The following OSBPL10 variants were observed in gnomAD, a reference collection of about 807,000 sequenced individuals.
The protein encoded by OSBPL10 is oxysterol binding protein like 10, also known as oxysterol-binding protein-related protein 10.
Under a neutral mutation model 81.7 loss-of-function variants are expected in OSBPL10, and 49 were observed. The ratio of observed to expected loss-of-function variants is 0.60; its 90% confidence interval spans 0.48 to 0.76. The LOEUF (loss-of-function observed/expected upper bound fraction) is 0.76. Ranked by LOEUF, OSBPL10 falls within the 30% of genes least tolerant of loss-of-function variation. The pLI is 0.00. For missense variants in OSBPL10, 923 were observed against 987.8 expected (o/e 0.93, Z 0.88); for synonymous variants, 419 against 383.6 (o/e 1.09, Z -1.08).
At chr3:31,974,441 T>C (rs1698641563) in intron 1 of OSBPL10, among the ~76,000 whole-genome samples, 1 of 152,190 alleles carries the variant, frequency 6.6e-6, no homozygotes, top group Non-Finnish European at 1.5e-5. Context: ...GGTACTAGAA[T>C]GTTCACAGCA....
intron 1 of OSBPL10, among the ~76,000 whole-genome samples, chr3:31,880,168 G>C (rs1180411930): frequency 6.6e-6 from 1 of 152,216 alleles, no homozygotes; most frequent in Non-Finnish European, 1.5e-5. Context: ...ACAGCCTCTT[G>C]CAACATGCTC....
At chr3:31,775,725 A>T (rs1698530996) in intron 4 of OSBPL10, among the ~76,000 whole-genome samples, 1 of 152,150 alleles carries the variant, frequency 6.6e-6, no homozygotes, top group African/African-American at 2.4e-5. Flanking sequence ...TCAAAGGTAG[A>T]TGCCTGTAGG....
intron 1 of OSBPL10, among the ~76,000 whole-genome samples, chr3:31,884,093 G>C (rs1385394023): frequency 6.6e-6 from 1 of 152,198 alleles, no homozygotes; most frequent in African/African-American, 2.4e-5. Flanking sequence ...TTATTTAGGA[G>C]CTGGTATAAA....
chr3:31,718,376 C>T (rs546615746), intron 6 of OSBPL10: 1 of 152,326 alleles, frequency 6.6e-6, no homozygotes, highest in Admixed American at 6.5e-5. Context: ...ATCTGTCTTC[C>T]TCAGCCTCCC....
intron 3 of OSBPL10, among the ~76,000 whole-genome samples, chr3:31,874,458 A>G (rs1422035255): frequency 6.6e-6 from 1 of 152,196 alleles, no homozygotes; most frequent in African/African-American, 2.4e-5. Flanking sequence ...AGGAGAAAAT[A>G]TCAACAGTAC....
intron 4 of OSBPL10, among the ~76,000 whole-genome samples, chr3:31,813,784 T>G (rs996677270): frequency 5.9e-5 from 9 of 152,144 alleles, no homozygotes; most frequent in African/African-American, 2.2e-4. Context: ...GCCTTGGCCC[T>G]CTCTAAGCCC....
chr3:32,066,653 T>G (rs1237786452), intron 1 of OSBPL10: 3 of 152,246 alleles, frequency 2.0e-5, no homozygotes, highest in African/African-American at 7.2e-5. Context: ...ACCTCCTCAG[T>G]GAAAATCATC....
At chr3:31,878,356 T>C (rs770211064) in intron 2 of OSBPL10, among the ~76,000 whole-genome samples, 16 of 152,200 alleles carry the variant, frequency 1.1e-4, no homozygotes, top group Non-Finnish European at 2.1e-4. Flanking sequence ...TATTAAGCAA[T>C]AAATGGCAAA....
intron 6 of OSBPL10, among the ~76,000 whole-genome samples, chr3:31,731,083 A>G (rs1341978981): frequency 2.0e-5 from 3 of 152,146 alleles, no homozygotes; most frequent in African/African-American, 7.2e-5. Context: ...CAGAAAAACT[A>G]TTGTGTGGAT....
chr3:31,862,013 G>A (rs936373175), intron 3 of OSBPL10, among the ~76,000 whole-genome samples: 4 of 152,026 alleles, frequency 2.6e-5, no homozygotes, highest in African/African-American at 9.7e-5. Context: ...AAGTGGAAGG[G>A]GCCAGTTTTC....
chr3:31,776,406 C>A (rs1384144259), intron 4 of OSBPL10, among the ~76,000 whole-genome samples: 1 of 152,158 alleles, frequency 6.6e-6, no homozygotes, highest in African/African-American at 2.4e-5. Flanking sequence ...AACAGTTGGG[C>A]AGTTCCTCAA....
chr3:31,816,844 G>A (rs1699846942), intron 4 of OSBPL10, among the ~76,000 whole-genome samples: 1 of 152,148 alleles, frequency 6.6e-6, no homozygotes, highest in Admixed American at 6.5e-5. Flanking sequence ...AGAAGGCCCT[G>A]GAGAGGGTGG....
chr3:31,965,273 G>A (rs1446721037), intron 1 of OSBPL10, among the ~76,000 whole-genome samples: 1 of 149,030 alleles, frequency 6.7e-6, no homozygotes, highest in African/African-American at 2.5e-5. Flanking sequence ...GGGAAGCTAA[G>A]GCAGGAGAAT....
At chr3:32,001,343 TTC>T (rs929718748) in intron 2 of OSBPL10, among the ~76,000 whole-genome samples, 2 of 152,230 alleles carry the variant, frequency 1.3e-5, no homozygotes, top group African/African-American at 4.8e-5. Flanking sequence ...TGTTGGTGTA[TTC>T]TGTCTGGCAT....
intron 3 of OSBPL10, among the ~76,000 whole-genome samples, chr3:31,838,570 T>C (rs1355976391): frequency 6.8e-6 from 1 of 146,206 alleles, no homozygotes; most frequent in Non-Finnish European, 1.5e-5. Flanking sequence ...CCCAAAGTGA[T>C]GCTATTAGGT....
intron 4 of OSBPL10, among the ~76,000 whole-genome samples, chr3:31,788,374 C>T (rs1033830339): frequency 5.9e-5 from 9 of 152,126 alleles, no homozygotes; most frequent in Admixed American, 5.2e-4. Context: ...ATGATAGAAG[C>T]CTCATTTTCC....
intron 7 of OSBPL10, among the ~76,000 whole-genome samples, chr3:31,694,190 G>C (rs900453247): frequency 1.3e-5 from 2 of 152,062 alleles, no homozygotes; most frequent in Non-Finnish European, 2.9e-5. Context: ...GGCCAACATG[G>C]TGAAACCTCA....
intron 4 of OSBPL10, among the ~76,000 whole-genome samples, chr3:31,749,872 A>AC (rs1024719284): frequency 1.6e-4 from 24 of 151,682 alleles, no homozygotes; most frequent in African/African-American, 5.6e-4. Context: ...ATCTTCCCAA[A>AC]CCACTTCATT....
At chr3:31,857,883 GGA>G (rs950115679) in intron 3 of OSBPL10, among the ~76,000 whole-genome samples, 3 of 143,766 alleles carry the variant, frequency 2.1e-5, no homozygotes, top group Non-Finnish European at 3.0e-5. Context: ...GGAAAGGGGG[GGA>G]GAGAGAGAGA....
Sources: gnomAD v4.1 joint callset for allele counts (sites outside exome capture counted in the v4.1 genomes callset) on GRCh38, gnomAD v4.1.1 for gene constraint, MANE v1.5 for transcripts, NCBI Gene and HGNC (gene_info 2026-07-23, HGNC 2026-07-21) for gene names.